The following TMTC2 variants were observed in gnomAD, a reference collection of about 807,000 sequenced individuals.
The protein encoded by TMTC2 is transmembrane O-mannosyltransferase targeting cadherins 2.
TMTC2 carries 43 observed loss-of-function variants against 82.4 expected under a neutral mutation model. That is an observed-to-expected ratio of 0.52 (90% CI 0.41 to 0.67). The LOEUF (loss-of-function observed/expected upper bound fraction) is 0.67. Ranked by LOEUF, TMTC2 falls within the 30% of genes least tolerant of loss-of-function variation. The pLI is 0.00. For missense variants in TMTC2, 919 were observed against 1,012.4 expected (o/e 0.91, Z 1.25); for synonymous variants, 408 against 381.9 (o/e 1.07, Z -0.80).
intron 1 of TMTC2, among the ~76,000 whole-genome samples, chr12:82,763,062 G>A (rs2136983003): frequency 6.6e-6 from 1 of 151,930 alleles, no homozygotes; most frequent in Non-Finnish European, 1.5e-5. Context: ...TAGTATAATA[G>A]TTAGTTTTTT....
chr12:82,938,103 G>T (rs1320753535), intron 4 of TMTC2, among the ~76,000 whole-genome samples: 1 of 151,202 alleles, frequency 6.6e-6, no homozygotes, highest in Non-Finnish European at 1.5e-5. Context: ...TAGTAGAGAC[G>T]GGGTTTCGCC....
At chr12:82,698,309 C>T (rs141819295) in intron 1 of TMTC2, among the ~76,000 whole-genome samples, 20 of 152,302 alleles carry the variant, frequency 1.3e-4, no homozygotes, top group African/African-American at 4.3e-4. Flanking sequence ...TGGAATACCA[C>T]TGTACTAGCT....
intron 2 of TMTC2, among the ~76,000 whole-genome samples, chr12:82,881,958 C>G (rs1005466449): frequency 6.6e-6 from 1 of 151,184 alleles, no homozygotes; most frequent in Non-Finnish European, 1.5e-5. Context: ...CCTTTTCCCA[C>G]GTTACCCATC....
intron 2 of TMTC2, among the ~76,000 whole-genome samples, chr12:82,860,494 A>T (rs538175513): frequency 6.6e-6 from 1 of 152,218 alleles, no homozygotes; most frequent in Non-Finnish European, 1.5e-5. Context: ...AAAGGAAACT[A>T]ATATGGAATA....
At chr12:82,802,881 C>T (rs1444101212) in intron 1 of TMTC2, among the ~76,000 whole-genome samples, 3 of 152,132 alleles carry the variant, frequency 2.0e-5, no homozygotes, top group Non-Finnish European at 4.4e-5. Context: ...CTTAGAGATG[C>T]TCCGGCGATG....
In TMTC2 at chr12:83,031,603, G is replaced by C. The variant is rs1456806896; in HGVS notation, c.2152+724G>C. Among the ~76,000 whole-genome samples the C allele has an allele frequency of 2.0e-5, 3 of 152,256 alleles. No homozygotes were observed. In the East Asian group the frequency reaches 5.8e-4, roughly 29 times the overall value. On this transcript the variant is annotated intron_variant, in intron 9 of 11. Transcript: ENST00000321196. The stretch of plus-strand genomic sequence containing the variant: ...ATTTACTTTGGCTGATCCCTTGGGG[G>C]GAAAATGTGGTTTTTTGATCACTGT...
intron 3 of TMTC2, among the ~76,000 whole-genome samples, chr12:82,911,093 G>GA (rs1429181298): frequency 6.6e-6 from 1 of 152,062 alleles, no homozygotes; most frequent in Non-Finnish European, 1.5e-5. Context: ...TGTTAGCCAG[G>GA]ATGGTCTCTA....
intron 2 of TMTC2, among the ~76,000 whole-genome samples, chr12:82,866,270 A>T (rs1475648570): frequency 6.6e-6 from 1 of 151,784 alleles, no homozygotes; most frequent in Non-Finnish European, 1.5e-5. Flanking sequence ...AAAACAAAAA[A>T]CTTTCTTTCT....
intron 3 of TMTC2, among the ~76,000 whole-genome samples, chr12:82,927,589 A>T (rs768160338): frequency 1.3e-5 from 2 of 152,228 alleles, no homozygotes; most frequent in African/African-American, 4.8e-5. Flanking sequence ...TCTATTATGG[A>T]TAAAATGCTA....
At chr12:82,896,861 CTG>C (rs1339748949) in intron 3 of TMTC2, among the ~76,000 whole-genome samples, 1 of 152,010 alleles carries the variant, frequency 6.6e-6, no homozygotes, top group Admixed American at 6.6e-5. Context: ...AAATATTTTT[CTG>C]TGTTTCTGAC....
intron 2 of TMTC2, among the ~76,000 whole-genome samples, chr12:82,857,859 GTTC>G (rs1489277197): frequency 6.6e-6 from 1 of 152,070 alleles, no homozygotes; most frequent in African/African-American, 2.4e-5. Context: ...TATTTATTGA[GTTC>G]TTATTTCTAT....
intron 1 of TMTC2, among the ~76,000 whole-genome samples, chr12:82,744,346 C>T (rs568064136): frequency 6.6e-6 from 1 of 152,212 alleles, no homozygotes; most frequent in South Asian, 2.1e-4. Context: ...TCGCTTGAAC[C>T]TGGGAGGCAG....
chr12:82,863,239 C>T (rs1245322081), intron 2 of TMTC2, among the ~76,000 whole-genome samples: 1 of 152,150 alleles, frequency 6.6e-6, no homozygotes, highest in Non-Finnish European at 1.5e-5. Flanking sequence ...ACCTGTGCCA[C>T]TCTCCTCCAA....
chr12:82,984,750 G>A (rs1043874224), intron 7 of TMTC2, among the ~76,000 whole-genome samples: 1 of 152,074 alleles, frequency 6.6e-6, no homozygotes, highest in Admixed American at 6.6e-5. Context: ...TACAATTGTT[G>A]CATCAGTTGA....
chr12:82,878,728 G>T (rs1246525455), intron 2 of TMTC2, among the ~76,000 whole-genome samples: 1 of 152,084 alleles, frequency 6.6e-6, no homozygotes, highest in Non-Finnish European at 1.5e-5. Flanking sequence ...TGTTGAAGAA[G>T]AGTAGTAATT....
intron 7 of TMTC2, among the ~76,000 whole-genome samples, chr12:82,979,117 TC>T (rs1284762411): frequency 6.6e-6 from 1 of 151,642 alleles, no homozygotes; most frequent in East Asian, 1.9e-4. Context: ...GATTGTTAGG[TC>T]TTTTTTTTCT....
chr12:82,761,233 A>G (rs763658037), intron 1 of TMTC2, among the ~76,000 whole-genome samples: 9 of 152,228 alleles, frequency 5.9e-5, no homozygotes, highest in Non-Finnish European at 1.2e-4. Context: ...CTCTGAAACA[A>G]CAAAGTACCT....
At chr12:82,937,925 T>TTTA (rs1876487233) in intron 4 of TMTC2, among the ~76,000 whole-genome samples, 1 of 94,860 alleles carries the variant, frequency 1.1e-5, no homozygotes, top group Non-Finnish European at 2.4e-5. Context: ...TTTTTTTATT[T>TTTA]TTTTTTTTTG....
intron 11 of TMTC2, among the ~76,000 whole-genome samples, chr12:83,097,240 G>C (rs911147689): frequency 6.6e-6 from 1 of 152,112 alleles, no homozygotes; most frequent in African/African-American, 2.4e-5. Context: ...GTCCTGAAAA[G>C]GATATAATGA....
Sources: allele counts gnomAD v4.1 joint callset (sites outside exome capture counted in the v4.1 genomes callset), GRCh38; gene constraint gnomAD v4.1.1; transcripts MANE v1.5; gene names NCBI Gene and HGNC (gene_info 2026-07-23, HGNC 2026-07-21).